SSBP2: variants seen among roughly 807,000 people sequenced by gnomAD.
The protein encoded by SSBP2 is single stranded DNA binding protein 2, also known as single-stranded DNA-binding protein 2.
A neutral mutation model predicts 61.8 loss-of-function variants in SSBP2; 17 were observed. That is an observed-to-expected ratio of 0.28 (90% CI 0.19 to 0.41). SSBP2 has a LOEUF of 0.41. SSBP2 is among the 10% of genes least tolerant of loss of function. SSBP2 has a pLI of 1.00. For synonymous variants in SSBP2, 139 were observed against 141.3 expected, an observed-to-expected ratio of 0.98 and a Z score of 0.12; for missense variants, 310 against 458.7, an observed-to-expected ratio of 0.68 and a Z score of 2.96.
intron 1 of SSBP2, among the ~76,000 whole-genome samples, chr5:81,735,713 T>C (rs761661832): frequency 6.6e-6 from 1 of 152,170 alleles, no homozygotes. Context: ...ATAAGATAAT[T>C]TTAATAAAGA....
chr5:81,530,056 A>G (rs1490000713), intron 4 of SSBP2, among the ~76,000 whole-genome samples: 1 of 152,012 alleles, frequency 6.6e-6, no homozygotes, highest in African/African-American at 2.4e-5. Context: ...ATAGAACAGA[A>G]GGTAAGAGAA....
At chr5:81,451,951 T>G (rs1428048236) in intron 10 of SSBP2, among the ~76,000 whole-genome samples, 1 of 152,192 alleles carries the variant, frequency 6.6e-6, no homozygotes, top group Admixed American at 6.5e-5. Context: ...CTAGGACCAG[T>G]AGTGTGAAGG....
intron 1 of SSBP2, among the ~76,000 whole-genome samples, chr5:81,660,375 C>T (rs1225447845): frequency 6.6e-6 from 1 of 152,050 alleles, no homozygotes; most frequent in East Asian, 1.9e-4. Flanking sequence ...AGACCCTTCT[C>T]AAAGAAGACA....
chr5:81,650,787 C>T (rs544706545), intron 1 of SSBP2, among the ~76,000 whole-genome samples: 2 of 152,154 alleles, frequency 1.3e-5, no homozygotes, highest in South Asian at 2.1e-4. Flanking sequence ...AAACATATGC[C>T]ACAACTTGCG....
At position 81,494,449 on chromosome 5, in the gene SSBP2, G is replaced by A. The variant is rs544480883; in HGVS notation, c.373-5140C>T. On this transcript the variant is annotated intron_variant, in intron 5 of 16. Coordinates refer to ENST00000320672, the MANE Select transcript of SSBP2 (RefSeq NM_012446.5). ...TTGAAATCCTAATCTCCAATGTGAT[G>A]GTATTTGGAGGTGGGACCTTTGAGA... is the stretch of plus-strand genomic sequence containing the variant. Among the ~76,000 whole-genome samples the A allele has an allele frequency of 8.5e-5, 13 of 152,264 alleles. No individual in the cohort carries two copies. In the South Asian group the frequency reaches 2.7e-3, roughly 32 times the overall value.
At chr5:81,709,232 CA>C (rs1754607593) in intron 1 of SSBP2, among the ~76,000 whole-genome samples, 1 of 151,910 alleles carries the variant, frequency 6.6e-6, no homozygotes, top group Admixed American at 6.6e-5. Context: ...TAATGGCTTT[CA>C]TTTCTAGAAT....
chr5:81,514,905 T>C (rs1214258244), intron 4 of SSBP2, among the ~76,000 whole-genome samples: 1 of 152,006 alleles, frequency 6.6e-6, no homozygotes, highest in African/African-American at 2.4e-5. Flanking sequence ...TACCTATGAA[T>C]GTCAAAATTT....
chr5:81,647,479 A>G (rs1216973497), intron 2 of SSBP2, among the ~76,000 whole-genome samples: 1 of 152,090 alleles, frequency 6.6e-6, no homozygotes, highest in Non-Finnish European at 1.5e-5. Flanking sequence ...AAAAACTTAC[A>G]GCTCAATTAA....
chr5:81,685,239 G>A (rs365147), intron 1 of SSBP2, among the ~76,000 whole-genome samples: 57,459 of 151,794 alleles, frequency 0.38, 11,288 homozygotes, highest in Middle Eastern at 0.58. Flanking sequence ...AAATTACCCA[G>A]TCTCAGGTAG....
intron 1 of SSBP2, among the ~76,000 whole-genome samples, chr5:81,669,643 G>A (rs765479793): frequency 4.6e-5 from 7 of 151,950 alleles, no homozygotes; most frequent in Non-Finnish European, 1.0e-4. Context: ...CACACACCAC[G>A]GCCTGTTGGG....
chr5:81,567,109 A>G (rs1314218615), intron 4 of SSBP2, among the ~76,000 whole-genome samples: 3 of 152,346 alleles, frequency 2.0e-5, no homozygotes, highest in Middle Eastern at 3.4e-3. Flanking sequence ...AGAAATTTGC[A>G]TAAGTAACAA....
chr5:81,634,676 A>G (rs1339539122), intron 3 of SSBP2, among the ~76,000 whole-genome samples: 1 of 152,186 alleles, frequency 6.6e-6, no homozygotes, highest in African/African-American at 2.4e-5. Context: ...CCTCATCCCT[A>G]ATCACTCTAT....
intron 1 of SSBP2, among the ~76,000 whole-genome samples, chr5:81,750,453 T>A (rs1757672292): frequency 7.5e-6 from 1 of 133,434 alleles, no homozygotes; most frequent in Non-Finnish European, 1.6e-5. Flanking sequence ...TCGCCTCGCC[T>A]CGCCCCGCGC....
chr5:81,565,538 A>G (rs1246787933), intron 4 of SSBP2, among the ~76,000 whole-genome samples: 1 of 152,152 alleles, frequency 6.6e-6, no homozygotes, highest in Non-Finnish European at 1.5e-5. Flanking sequence ...TCCCTATACT[A>G]TAGTAATATA....
chr5:81,521,716 T>C (rs1055271475), intron 4 of SSBP2, among the ~76,000 whole-genome samples: 1 of 152,022 alleles, frequency 6.6e-6, no homozygotes, highest in Non-Finnish European at 1.5e-5. Flanking sequence ...CCTGGAATAA[T>C]GTGAACCTTT....
At chr5:81,458,491 T>C (rs1764319321) in intron 10 of SSBP2, among the ~76,000 whole-genome samples, 1 of 152,194 alleles carries the variant, frequency 6.6e-6, no homozygotes, top group African/African-American at 2.4e-5. Flanking sequence ...GAAGGGTGTA[T>C]GGAAATTCTT....
intron 4 of SSBP2, among the ~76,000 whole-genome samples, chr5:81,573,576 A>C (rs982297873): frequency 6.6e-6 from 1 of 151,826 alleles, no homozygotes; most frequent in Non-Finnish European, 1.5e-5. Flanking sequence ...AAATCATCTC[A>C]CTCCCTTGGT....
At chr5:81,429,489 A>T (rs1328263067) in intron 15 of SSBP2, among the ~76,000 whole-genome samples, 1 of 152,190 alleles carries the variant, frequency 6.6e-6, no homozygotes, top group Non-Finnish European at 1.5e-5. Flanking sequence ...ATCAATAGGA[A>T]ATGTAGAATG....
intron 1 of SSBP2, among the ~76,000 whole-genome samples, chr5:81,727,905 G>T (rs990203443): frequency 1.3e-5 from 2 of 152,098 alleles, no homozygotes; most frequent in African/African-American, 4.8e-5. Context: ...AATAAGGGAG[G>T]ACCTACTTTA....
Sources: gnomAD v4.1 joint callset for allele counts (sites outside exome capture counted in the v4.1 genomes callset) on GRCh38, gnomAD v4.1.1 for gene constraint, MANE v1.5 for transcripts, NCBI Gene and HGNC (gene_info 2026-07-23, HGNC 2026-07-21) for gene names.